Variants in KCNAB1 observed in about 807,000 individuals in gnomAD.
The protein encoded by KCNAB1 is potassium voltage-gated channel subfamily A regulatory beta subunit 1.
A neutral mutation model predicts 64.6 loss-of-function variants in KCNAB1; 35 were observed. That is an observed-to-expected ratio of 0.54 (90% CI 0.41 to 0.72). The LOEUF is 0.72. KCNAB1 is among the 30% of genes least tolerant of loss of function. The probability of loss-of-function intolerance (pLI) is 0.00; values close to 1 mark genes in which losing one functional copy is unlikely to be tolerated. For synonymous variants in KCNAB1, 177 were observed against 183.8 expected (o/e 0.96, Z 0.30); for missense variants, 401 against 512.9 (o/e 0.78, Z 2.11).
At chr3:156,154,952 A>G (rs1577648401) in intron 1 of KCNAB1, among the ~76,000 whole-genome samples, 1 of 152,044 alleles carries the variant, frequency 6.6e-6, no homozygotes, top group Non-Finnish European at 1.5e-5. Flanking sequence ...AATGTTCACC[A>G]CTTCTTGGGT....
intron 1 of KCNAB1, among the ~76,000 whole-genome samples, chr3:156,349,501 A>G (rs1724717251): frequency 6.6e-6 from 1 of 152,026 alleles, no homozygotes; most frequent in African/African-American, 2.4e-5. Flanking sequence ...CTACTTTTCT[A>G]TTTTTCTTTT....
chr3:156,432,919 C>T (rs1716331360), intron 2 of KCNAB1, among the ~76,000 whole-genome samples: 1 of 152,204 alleles, frequency 6.6e-6, no homozygotes, highest in Admixed American at 6.5e-5. Flanking sequence ...AGTCCCCCTC[C>T]TTTTCAGTGC....
chr3:156,191,856 C>T (rs1381102518), intron 1 of KCNAB1, among the ~76,000 whole-genome samples: 5 of 152,264 alleles, frequency 3.3e-5, no homozygotes, highest in Admixed American at 6.5e-5. Flanking sequence ...CCAGGTGATG[C>T]CCAAGGCAAG....
rs143413407 is a variant in KCNAB1, at chr3:156,481,891, C to T, written c.658+7071C>T. On this transcript the variant is annotated intron_variant, in intron 8 of 13. Transcript: ENST00000490337. ...TGTGGTTACAGCACCTCACTCACAG[C>T]TGGGGCAAACAAACGTAAGCTCCAT... Among the ~76,000 whole-genome samples, 10 of 152,258 alleles carry T rather than the reference C, an allele frequency of 6.6e-5. No homozygotes were observed. The East Asian group carries it at 1.9e-3, about 29-fold the overall frequency.
intron 1 of KCNAB1, among the ~76,000 whole-genome samples, chr3:156,171,742 G>A (rs531067619): frequency 6.6e-6 from 1 of 152,274 alleles, no homozygotes; most frequent in African/African-American, 2.4e-5. Flanking sequence ...AACGCTACAT[G>A]GCCTCTAATC....
intron 1 of KCNAB1, among the ~76,000 whole-genome samples, chr3:156,163,232 T>C (rs1042947427): frequency 6.6e-6 from 1 of 152,212 alleles, no homozygotes; most frequent in African/African-American, 2.4e-5. Flanking sequence ...GCAGTGCAGA[T>C]ATAAAACAGC....
At chr3:156,271,456 C>G (rs1719033969) in intron 1 of KCNAB1, among the ~76,000 whole-genome samples, 1 of 151,986 alleles carries the variant, frequency 6.6e-6, no homozygotes, top group Non-Finnish European at 1.5e-5. Flanking sequence ...TCTGCTTGAT[C>G]AATTCTGCTG....
chr3:156,504,257 G>A (rs959006236), intron 8 of KCNAB1, among the ~76,000 whole-genome samples: 2 of 152,096 alleles, frequency 1.3e-5, no homozygotes, highest in African/African-American at 4.8e-5. Flanking sequence ...CTTTTTTAGG[G>A]CTGAATAATA....
At chr3:156,192,782 T>A (rs748788063) in intron 1 of KCNAB1, among the ~76,000 whole-genome samples, 17 of 152,120 alleles carry the variant, frequency 1.1e-4, no homozygotes, top group Non-Finnish European at 1.8e-4. Flanking sequence ...AAGTAGGCTT[T>A]TTCTAATATT....
chr3:156,516,948 A>G (rs1370512842), intron 11 of KCNAB1, among the ~76,000 whole-genome samples: 1 of 152,246 alleles, frequency 6.6e-6, no homozygotes, highest in Non-Finnish European at 1.5e-5. Context: ...ATTCAAGATC[A>G]TTGACACAAA....
At chr3:156,351,455 A>G (rs948166999) in intron 1 of KCNAB1, among the ~76,000 whole-genome samples, 6 of 152,242 alleles carry the variant, frequency 3.9e-5, no homozygotes, top group Non-Finnish European at 8.8e-5. Context: ...GATGTTAATT[A>G]AGGCTCCAGT....
chr3:156,286,914 G>C lies in KCNAB1; in HGVS notation c.276-134702G>C, dbSNP rs574080791. The stretch of plus-strand genomic sequence containing the variant: ...TTTAGGCAAGTTATTTAACTTCTCT[G>C]AGTCTCATGTTTCTTCATTTGTAGA... On this transcript the variant is annotated intron_variant, in intron 1 of 13. Coordinates refer to ENST00000490337, the MANE Select transcript of KCNAB1 (RefSeq NM_172160.3). Among the ~76,000 whole-genome samples, 81 of 152,262 alleles carry C rather than the reference G, an allele frequency of 5.3e-4. 1 individual carries two copies. In the South Asian group the frequency reaches 0.016, roughly 30 times the overall value.
chr3:156,228,461 T>C (rs1716317190), intron 1 of KCNAB1, among the ~76,000 whole-genome samples: 1 of 152,172 alleles, frequency 6.6e-6, no homozygotes, highest in Non-Finnish European at 1.5e-5. Flanking sequence ...ATGCATCTCA[T>C]GTGTGGTCGA....
chr3:156,374,760 A>G (rs1413997257), intron 1 of KCNAB1, among the ~76,000 whole-genome samples: 1 of 134,882 alleles, frequency 7.4e-6, no homozygotes, highest in Non-Finnish European at 1.5e-5. Context: ...CCTTAGTTAA[A>G]CCTCGCTTTC....
At chr3:156,502,251 A>G (rs1576947501) in intron 8 of KCNAB1, among the ~76,000 whole-genome samples, 1 of 152,184 alleles carries the variant, frequency 6.6e-6, no homozygotes, top group Non-Finnish European at 1.5e-5. Context: ...GGTAAAGTGG[A>G]AGGGAAGGAC....
intron 1 of KCNAB1, among the ~76,000 whole-genome samples, chr3:156,254,143 G>A (rs1209791118): frequency 6.6e-6 from 1 of 152,232 alleles, no homozygotes; most frequent in Admixed American, 6.5e-5. Flanking sequence ...GTTTGACAAA[G>A]AGTTATGTCT....
chr3:156,284,282 G>T (rs1163995530), intron 1 of KCNAB1, among the ~76,000 whole-genome samples: 1 of 152,110 alleles, frequency 6.6e-6, no homozygotes, highest in Non-Finnish European at 1.5e-5. Flanking sequence ...GCTGCTCAGG[G>T]GTCAGGGGTC....
intron 1 of KCNAB1, among the ~76,000 whole-genome samples, chr3:156,238,346 C>G (rs563382804): frequency 2.7e-5 from 4 of 145,640 alleles, no homozygotes; most frequent in Non-Finnish European, 6.0e-5. Flanking sequence ...GGCGTGAACC[C>G]GGGAGGCGGA....
intron 1 of KCNAB1, among the ~76,000 whole-genome samples, chr3:156,255,236 C>T (rs1010422548): frequency 6.6e-6 from 1 of 152,154 alleles, no homozygotes; most frequent in Non-Finnish European, 1.5e-5. Context: ...CAAGAGGGTG[C>T]TATGAGCCGG....
Sources: allele counts gnomAD v4.1 joint callset (sites outside exome capture counted in the v4.1 genomes callset), GRCh38; gene constraint gnomAD v4.1.1; transcripts MANE v1.5; gene names NCBI Gene and HGNC (gene_info 2026-07-23, HGNC 2026-07-21).